C6orf132: variants seen among roughly 807,000 people sequenced by gnomAD.
The protein encoded by C6orf132 is uncharacterized protein C6orf132.
C6orf132 carries 43 observed loss-of-function variants against 65.3 expected under a neutral mutation model. The observed-to-expected ratio is 0.66, with a 90% CI of 0.52 to 0.85. C6orf132 has a LOEUF of 0.85. C6orf132 is among the 40% of genes least tolerant of loss of function. C6orf132 has a pLI of 0.00. For synonymous variants in C6orf132, 631 were observed against 654.1 expected (o/e 0.96, Z 0.54); for missense variants, 1,488 against 1,548.8 (o/e 0.96, Z 0.66).
chr6:42,134,887 G>A (rs1766915565), intron 1 of C6orf132, among the ~76,000 whole-genome samples: 1 of 151,960 alleles, frequency 6.6e-6, no homozygotes, highest in African/African-American at 2.4e-5. Context: ...AGCTACTCAG[G>A]ATACTCGGGA....
chr6:42,119,204 GCGCCA>G (rs1766636985), intron 2 of C6orf132, among the ~76,000 whole-genome samples: 1 of 128,216 alleles, frequency 7.8e-6, no homozygotes, highest in Non-Finnish European at 1.6e-5. Context: ...AGCTGAGATT[GCGCCA>G]CGTCACTCCA....
chr6:42,106,722 G>T lies in C6orf132; in HGVS notation c.1190C>A (p.Pro397His). The change falls in exon 4 of 5, where the codon CCC becomes CAC. Residue 397 changes from proline (P) to histidine (H), a missense_variant. Physicochemically the swap from Pro to His is moderately conservative, Grantham distance 77. Transcript: ENST00000341865. ...AGTPPPAPPL[P>H]PPAPPLPPPA... ...GGGAGGGAGGGGGGGTGCAGGAGGG[G>T]GCAGGGGAGGGGCTGGAGGCGGAGT... is the stretch of plus-strand genomic sequence containing the variant. 1.1e-6 allele frequency: 1 copy of T among 943,194 alleles called. No individual in the cohort carries two copies. The highest frequency in any genetic ancestry group is 1.4e-5 in the South Asian group (1 of 73,156). 58.4% of individuals were successfully genotyped at this position (943,194 alleles called of 1,614,324 possible).
In C6orf132 at chr6:42,106,939, G is replaced by A. The variant is rs372514277; in HGVS notation, c.973C>T (p.Arg325Ter). 4 of 1,536,386 alleles carry A rather than the reference G, an allele frequency of 2.6e-6. No homozygotes were observed. The highest frequency in any genetic ancestry group is 3.5e-6 in the Non-Finnish European group (4 of 1,146,556). Residue 325 changes from arginine (R) to a stop codon, truncating the protein, a stop_gained, in exon 4 of 5, where the codon CGA becomes TGA. Coordinates refer to ENST00000341865, the MANE Select transcript of C6orf132 (RefSeq NM_001164446.3). LOFTEE classifies it high-confidence loss of function. Reference sequence around the variant, plus strand: ...TTCTTGGTGGCCCCCTCTTCCTTTCGGGGAGCCTCTTGTGCTTCCTGAACT... The same window carrying A: ...TTCTTGGTGGCCCCCTCTTCCTTTCAGGGAGCCTCTTGTGCTTCCTGAACT... The part of the protein sequence containing the change: ...IPVQEAQEAP[R>*]KEEGATKKAP...
At chr6:42,141,085 A>G (rs749348140) in intron 1 of C6orf132, among the ~76,000 whole-genome samples, 3 of 152,238 alleles carry the variant, frequency 2.0e-5, no homozygotes, top group Non-Finnish European at 2.9e-5. Flanking sequence ...GCAAAGGCTC[A>G]GAAAGGGCTA....
chr6:42,137,650 G>A (rs2127480400), intron 1 of C6orf132, among the ~76,000 whole-genome samples: 1 of 152,232 alleles, frequency 6.6e-6, no homozygotes, highest in East Asian at 1.9e-4. Flanking sequence ...GAGTCCTAAA[G>A]GGAAAGAGAA....
At chr6:42,107,606 TG>T in intron 3 of C6orf132, 23 bp from the exon 4 acceptor site, 1 of 1,548,896 alleles carries the variant, frequency 6.5e-7, no homozygotes, top group East Asian at 2.5e-5. Context: ...GAGGCAAAGA[TG>T]GGGGGCAGGA....
chr6:42,137,587 A>T (rs1766964120), intron 1 of C6orf132, among the ~76,000 whole-genome samples: 2 of 152,042 alleles, frequency 1.3e-5, no homozygotes, highest in Non-Finnish European at 2.9e-5. Flanking sequence ...CCTGATAAGG[A>T]GCTGGTGACA....
Position 42,106,112 on chromosome 6 carries a change from A to G in C6orf132, c.1800T>C (p.Ile600=). The change falls in exon 4 of 5, where the codon ATT becomes ATC. Residue 600 remains isoleucine, a synonymous_variant. Transcript: ENST00000341865. ...TGTCATCATCAGCCCCGTTTTCACAAATTCTTCCCCCTTCTAGCCGAGGCT... is the reference window on the plus strand; with the variant it reads ...TGTCATCATCAGCCCCGTTTTCACAGATTCTTCCCCCTTCTAGCCGAGGCT... ...PPKPRLEGGR[I]CENGADDDKL... is the part of the protein sequence containing the mutation. The G allele has an allele frequency of 6.5e-7, 1 of 1,537,166 alleles. No individual in the cohort carries two copies.
intron 1 of C6orf132, among the ~76,000 whole-genome samples, chr6:42,132,208 A>G (rs1336802107): frequency 4.6e-5 from 7 of 152,128 alleles, no homozygotes; most frequent in Admixed American, 1.3e-4. Flanking sequence ...GTAAGATAGT[A>G]AATTTGTTAT....
At chr6:42,136,968 C>T (rs1310222486) in intron 1 of C6orf132, among the ~76,000 whole-genome samples, 1 of 152,198 alleles carries the variant, frequency 6.6e-6, no homozygotes, top group Admixed American at 6.5e-5. Flanking sequence ...ACTCGCCACT[C>T]AGTGTGCAGA....
At position 42,129,811 on chromosome 6, in the gene C6orf132, G is replaced by A. The variant is rs566147185; in HGVS notation, c.146-1033C>T. Among the ~76,000 whole-genome samples, 4 of 152,370 alleles carry A rather than the reference G, an allele frequency of 2.6e-5. 1 individual carries two copies. Among genetic ancestry groups the A allele is most frequent in the African/African-American group, 9.6e-5 (4 of 41,592 alleles). On this transcript the variant is annotated intron_variant, in intron 1 of 4. Coordinates refer to ENST00000341865, the MANE Select transcript of C6orf132 (RefSeq NM_001164446.3). ...TGGAGGACTTTCCTCGATAGCCAAA[G>A]AGGAGAGAAGAAAGGTTAGAATCCC...
chr6:42,113,825 AG>A (rs1198712741), intron 2 of C6orf132, among the ~76,000 whole-genome samples: 1 of 150,754 alleles, frequency 6.6e-6, no homozygotes, highest in Non-Finnish European at 1.5e-5. Context: ...AAAAAAGAAA[AG>A]AAAAAAAAGA....
At chr6:42,112,321 C>T (rs1008534218) in intron 2 of C6orf132, among the ~76,000 whole-genome samples, 1 of 152,172 alleles carries the variant, frequency 6.6e-6, no homozygotes, top group African/African-American at 2.4e-5. Flanking sequence ...TTTTGCCTCC[C>T]TAAAATCCCT....
At chr6:42,138,068 C>T (rs1193236400) in intron 1 of C6orf132, among the ~76,000 whole-genome samples, 3 of 152,206 alleles carry the variant, frequency 2.0e-5, no homozygotes, top group Admixed American at 1.3e-4. Context: ...AAAAAACCCC[C>T]AGAGCCCAGA....
chr6:42,122,046 G>A (rs1176905482), intron 2 of C6orf132, among the ~76,000 whole-genome samples: 6 of 152,166 alleles, frequency 3.9e-5, no homozygotes, highest in Admixed American at 3.9e-4. Flanking sequence ...CTATGAAGTT[G>A]GGAGCCAGTG....
chr6:42,138,912 G>T (rs1009767835), intron 1 of C6orf132, among the ~76,000 whole-genome samples: 1 of 147,354 alleles, frequency 6.8e-6, no homozygotes, highest in African/African-American at 2.5e-5. Context: ...CTGGGAGAGG[G>T]CAGAAGACTT....
At chr6:42,119,084 A>G (rs1280026705) in intron 2 of C6orf132, among the ~76,000 whole-genome samples, 78 of 137,706 alleles carry the variant, frequency 5.7e-4, no homozygotes, top group Non-Finnish European at 2.0e-4. Context: ...AAAAAAAAAA[A>G]GAAAAAAAAA....
Position 42,105,009 on chromosome 6 carries a change from G to A in C6orf132, c.2903C>T (p.Pro968Leu). 1 of 1,529,332 alleles carries A rather than the reference G, an allele frequency of 6.5e-7. No homozygotes were observed. The highest frequency in any genetic ancestry group is 8.7e-7 in the Non-Finnish European group (1 of 1,144,156). The allele number at this position is 1,529,332 out of a possible 1,614,324, so 94.7% of individuals were successfully genotyped here. A position where few individuals can be genotyped will look rare whatever the true frequency, so the allele number is the denominator to read the frequency against. ...CTCCTCCCTCTTGTTCGAAGGAGAA[G>A]GTGGGGAGGAGAAGGACTTGGGCAG... ...HPLPKSFSSPPSPSNKREEEE... is the reference protein window; with the variant it reads ...HPLPKSFSSPLSPSNKREEEE... Residue 968 changes from proline (P) to leucine (L), a missense_variant, in exon 4 of 5, where the codon CCT becomes CTT. Coordinates refer to ENST00000341865, the MANE Select transcript of C6orf132 (RefSeq NM_001164446.3).
intron 2 of C6orf132, chr6:42,126,388 A>AT (rs2127478057): frequency 1.4e-5 from 2 of 138,812 alleles, no homozygotes; most frequent in African/African-American, 5.5e-5. Flanking sequence ...GTATTTCAGT[A>AT]TTTTATTTGT....
Sources: gnomAD v4.1 joint callset for allele counts (sites outside exome capture counted in the v4.1 genomes callset) on GRCh38, gnomAD v4.1.1 for gene constraint, MANE v1.5 for transcripts, NCBI Gene and HGNC (gene_info 2026-07-23, HGNC 2026-07-21) for gene names.